Variants in NUP98 observed in about 807,000 individuals in gnomAD.
NUP98 encodes nucleoporin 98 and 96 precursor.
Under a neutral mutation model 191.9 loss-of-function variants are expected in NUP98, and 26 were observed. The ratio of observed to expected loss-of-function variants is 0.14; its 90% confidence interval spans 0.10 to 0.19. The LOEUF is 0.19. Ranked by LOEUF, NUP98 falls within the 10% of genes least tolerant of loss-of-function variation. NUP98 has a pLI of 1.00. For missense variants in NUP98, 1,941 were observed against 2,178.8 expected (o/e 0.89, Z 2.17); for synonymous variants, 808 against 778.4 (o/e 1.04, Z -0.63).
At chr11:3,746,490 T>C (rs1023723778) in intron 11 of NUP98, among the ~76,000 whole-genome samples, 3 of 151,692 alleles carry the variant, frequency 2.0e-5, no homozygotes, top group South Asian at 2.1e-4. Context: ...AACTCAAATA[T>C]ATAAAATAGA....
chr11:3,692,909 T>G (rs1564810769), intron 27 of NUP98: 1 of 211,254 alleles, frequency 4.7e-6, no homozygotes, highest in Non-Finnish European at 9.3e-6. Context: ...TAAAATATTA[T>G]ATTTAGAGGC....
At chr11:3,783,803 A>G (rs1171451702) in intron 1 of NUP98, among the ~76,000 whole-genome samples, 1 of 152,198 alleles carries the variant, frequency 6.6e-6, no homozygotes, top group East Asian at 1.9e-4. Flanking sequence ...AAACTGTTCC[A>G]AGAACGCCTA....
At chr11:3,767,097 T>C (rs140511855) in intron 8 of NUP98, among the ~76,000 whole-genome samples, 7,707 of 152,152 alleles carry the variant, frequency 0.051, 257 homozygotes, top group Middle Eastern at 0.099. Context: ...CCTGCGTAGC[T>C]TGGATTAGTC....
At chr11:3,756,164 G>C (rs1346437293) in intron 10 of NUP98, among the ~76,000 whole-genome samples, 2 of 151,824 alleles carry the variant, frequency 1.3e-5, no homozygotes, top group African/African-American at 4.8e-5. Context: ...TTTCCTTTTT[G>C]AATAAAAATT....
At chr11:3,749,590 A>C (rs2080662084) in intron 11 of NUP98, among the ~76,000 whole-genome samples, 1 of 152,178 alleles carries the variant, frequency 6.6e-6, no homozygotes, top group Admixed American at 6.5e-5. Flanking sequence ...ACACCATTGT[A>C]CTCCAGCCTG....
chr11:3,746,294 A>AAAAAAAAAAAAAAAAAG (rs144936005), intron 11 of NUP98, among the ~76,000 whole-genome samples: 5 of 93,104 alleles, frequency 5.4e-5, no homozygotes, highest in African/African-American at 2.0e-4. Flanking sequence ...AAAAAAAAAA[A>AAAAAAAAAAAAAAAAAG]GACAGCTTTG....
intron 23 of NUP98, among the ~76,000 whole-genome samples, chr11:3,701,202 AAAG>A (rs1276658367): frequency 6.6e-6 from 1 of 152,154 alleles, no homozygotes; most frequent in Non-Finnish European, 1.5e-5. Context: ...TCTAGATACT[AAAG>A]AACTGATTCT....
At chr11:3,711,801 G>A (rs535179906) in intron 20 of NUP98, 444 of 990,692 alleles carry the variant, frequency 4.5e-4, no homozygotes, top group Non-Finnish European at 5.2e-4. Context: ...TCCCCTGTAC[G>A]CGCAAACATG....
At chr11:3,765,449 T>C (rs536721927) in intron 8 of NUP98, among the ~76,000 whole-genome samples, 1 of 152,342 alleles carries the variant, frequency 6.6e-6, no homozygotes, top group Admixed American at 6.5e-5. Flanking sequence ...AAGATATTAC[T>C]GTCTAACTAG....
intron 4 of NUP98, among the ~76,000 whole-genome samples, chr11:3,777,432 C>A (rs559864125): frequency 1.3e-5 from 2 of 151,980 alleles, no homozygotes; most frequent in South Asian, 4.2e-4. Flanking sequence ...ACCAGCCTGG[C>A]CAATATGGTG....
At chr11:3,723,662 T>C (rs1380552682) in intron 15 of NUP98, among the ~76,000 whole-genome samples, 2 of 152,048 alleles carry the variant, frequency 1.3e-5, no homozygotes, top group East Asian at 3.8e-4. Context: ...AATCAAATAA[T>C]TGGTTAATTT....
intron 12 of NUP98, 72 bp downstream of exon 12, chr11:3,744,437 T>C: frequency 6.8e-7 from 1 of 1,474,670 alleles, no homozygotes; most frequent in Non-Finnish European, 9.2e-7. Context: ...GGGACAGGTG[T>C]AGGATGGAAA....
rs375278329 is a variant in NUP98 at position 3,762,983 on chromosome 11, T to C, written c.1005A>G (p.Thr335=). Residue 335 remains threonine, a synonymous_variant, in exon 9 of 33, where the codon ACA becomes ACG. Coordinates refer to ENST00000324932, the MANE Select transcript of NUP98 (RefSeq NM_016320.5). ...CAAATGCTGTCCCAGTGCTGGTGTT[T>C]GTAGCTGTCCCAAAAAGACCTCCAG... ...SQPGGLFGTA[T]NTSTGTAFGT... The C allele has an allele frequency of 3.1e-6, 5 of 1,614,136 alleles. No individual in the cohort carries two copies. In the African/African-American group the frequency reaches 5.3e-5, roughly 17 times the overall value.
Position 3,796,552 on chromosome 11 carries a change from T to C in NUP98, c.-29+848A>G, listed in dbSNP as rs573693905. Among the ~76,000 whole-genome samples the C allele has an allele frequency of 3.9e-5, 6 of 152,372 alleles. 1 individual carries two copies. The highest frequency in any genetic ancestry group is 3.3e-4 in the Admixed American group (5 of 15,302). On this transcript the variant is annotated intron_variant, in intron 1 of 32. Coordinates refer to ENST00000324932, the MANE Select transcript of NUP98 (RefSeq NM_016320.5). ...CCACCTTACCCGTGAACAGAGCTGG[T>C]AGCAACTAAACGGAAAACGCTGTGA...
intron 22 of NUP98, 130 bp from the exon 23 acceptor site, chr11:3,703,022 G>A (rs2078757690): frequency 1.3e-6 from 1 of 758,384 alleles, no homozygotes; most frequent in Admixed American, 3.0e-5. Context: ...ATCAGATGTG[G>A]ATGACCAGAA....
intron 12 of NUP98, among the ~76,000 whole-genome samples, chr11:3,740,775 C>T (rs576431672): frequency 2.6e-5 from 4 of 151,452 alleles, no homozygotes; most frequent in Non-Finnish European, 4.4e-5. Context: ...GCCCTACTCA[C>T]GTACAAAGAG....
chr11:3,685,367 G>C (rs1322001091), intron 29 of NUP98, among the ~76,000 whole-genome samples: 3 of 152,180 alleles, frequency 2.0e-5, no homozygotes, highest in Non-Finnish European at 4.4e-5. Context: ...GGGATGACCA[G>C]AGAAAAAGCA....
chr11:3,726,615 AAATAT>A (rs2079629460), intron 14 of NUP98, among the ~76,000 whole-genome samples: 1 of 152,000 alleles, frequency 6.6e-6, no homozygotes, highest in South Asian at 2.1e-4. Flanking sequence ...CATATTACAA[AAATAT>A]AACATCAAAA....
chr11:3,715,786 T>TA (rs1189076124), intron 18 of NUP98, among the ~76,000 whole-genome samples: 1 of 87,382 alleles, frequency 1.1e-5, no homozygotes, highest in African/African-American at 9.4e-5. Context: ...CTTGACTACT[T>TA]AAAATTTTTT....
Sources: gnomAD v4.1 joint callset for allele counts (sites outside exome capture counted in the v4.1 genomes callset) on GRCh38, gnomAD v4.1.1 for gene constraint, MANE v1.5 for transcripts, NCBI Gene and HGNC (gene_info 2026-07-23, HGNC 2026-07-21) for gene names.